GLI3: variants seen among roughly 807,000 people sequenced by gnomAD.
The protein encoded by GLI3 is transcription activator GLI3.
In GLI3, 20 loss-of-function variants were observed where a neutral mutation model predicts 100.8. The observed-to-expected ratio is 0.20, with a 90% CI of 0.14 to 0.29. The LOEUF is 0.29. Ranked by LOEUF, GLI3 falls within the 10% of genes least tolerant of loss-of-function variation. The probability of loss-of-function intolerance (pLI) is 1.00; values close to 1 mark genes in which losing one functional copy is unlikely to be tolerated. For missense variants in GLI3, 2,040 were observed against 2,128.5 expected (o/e 0.96, Z 0.82); for synonymous variants, 938 against 860.5 (o/e 1.09, Z -1.58).
rs1022538205 is a variant in GLI3, at chr7:41,963,233, G to A, written c.*1097C>T. Reference sequence around the variant, plus strand: ...AGTTTTATAAATCCCTCAAAATAAGGTATTTAGAATGGAAATCCTCCCTCA... The same window carrying A: ...AGTTTTATAAATCCCTCAAAATAAGATATTTAGAATGGAAATCCTCCCTCA... On this transcript the variant is annotated 3_prime_UTR_variant, in exon 15 of 15. Transcript: ENST00000395925. 6.6e-6 allele frequency: 1 copy of A among 152,076 alleles called. No individual in the cohort carries two copies. Among genetic ancestry groups the A allele is most frequent in the African/African-American group, 2.4e-5 (1 of 41,384 alleles). The allele number at this position is 152,076 out of a possible 1,614,324, so 9.4% of individuals were successfully genotyped here. A position where few individuals can be genotyped will look rare whatever the true frequency, so the allele number is the denominator to read the frequency against.
At chr7:42,256,904 T>C (rs997088020) in intron 1 of GLI3, among the ~76,000 whole-genome samples, 2 of 152,218 alleles carry the variant, frequency 1.3e-5, no homozygotes, top group African/African-American at 4.8e-5. Context: ...TTCCAGTCCA[T>C]GAATATGGAA....
chr7:42,173,986 AT>A (rs1562771663), intron 2 of GLI3, among the ~76,000 whole-genome samples: 2 of 152,202 alleles, frequency 1.3e-5, no homozygotes, highest in South Asian at 2.1e-4. Context: ...AAATATCCTA[AT>A]TTTGTATTTT....
In GLI3 at chr7:41,977,697, G is replaced by A. The variant is rs1356013382; in HGVS notation, c.1673C>T (p.Ser558Leu). 6.2e-7 allele frequency: 1 copy of A among 1,613,862 alleles called. No homozygotes were observed. Among genetic ancestry groups the A allele is most frequent in the Non-Finnish European group, 8.5e-7 (1 of 1,179,890 alleles). ...GTGTGTTTTCAAGTTTTCTAGTCTCGAGTAGGCCTTTGTGCAACCTTCAAA... is the reference window on the plus strand; with the variant it reads ...GTGTGTTTTCAAGTTTTCTAGTCTCAAGTAGGCCTTTGTGCAACCTTCAAA... ...CTFEGCTKAY[S>L]RLENLKTHLR... Residue 558 changes from serine (S) to leucine (L), a missense_variant, in exon 12 of 15, where the codon TCG becomes TTG. Physicochemically the swap from Ser to Leu is moderately radical, Grantham distance 145 (BLOSUM62 -2). Transcript: ENST00000395925.
At chr7:41,982,006 G>A (rs1299642626) in intron 10 of GLI3, among the ~76,000 whole-genome samples, 1 of 152,118 alleles carries the variant, frequency 6.6e-6, no homozygotes, top group East Asian at 1.9e-4. Flanking sequence ...AGGGGTGGGG[G>A]AAACTTATGT....
intron 3 of GLI3, among the ~76,000 whole-genome samples, chr7:42,088,220 G>A (rs1489456243): frequency 6.6e-6 from 1 of 152,178 alleles, no homozygotes. Context: ...ATCATCTGAA[G>A]GAGTCCGAAA....
intron 4 of GLI3, among the ~76,000 whole-genome samples, chr7:42,056,332 G>A (rs759456712): frequency 6.6e-6 from 1 of 152,150 alleles, no homozygotes; most frequent in Non-Finnish European, 1.5e-5. Flanking sequence ...TGAGGCAAAA[G>A]GCTACACTCA....
At chr7:42,202,352 A>ATT (rs1788060502) in intron 2 of GLI3, among the ~76,000 whole-genome samples, 3 of 107,462 alleles carry the variant, frequency 2.8e-5, no homozygotes, top group Admixed American at 9.4e-5. Flanking sequence ...TCTCTCACAC[A>ATT]CACACACACA....
At chr7:42,231,580 C>T (rs1275801835) in intron 1 of GLI3, among the ~76,000 whole-genome samples, 1 of 152,154 alleles carries the variant, frequency 6.6e-6, no homozygotes, top group Non-Finnish European at 1.5e-5. Flanking sequence ...AGACACTGTC[C>T]TGAAGTGGCA....
At chr7:42,161,257 T>C (rs1787124487) in intron 2 of GLI3, among the ~76,000 whole-genome samples, 3 of 151,980 alleles carry the variant, frequency 2.0e-5, no homozygotes, top group Admixed American at 6.6e-5. Flanking sequence ...CAGGCAAAAA[T>C]GATAGGAAAT....
At chr7:42,062,161 G>A (rs1293947231) in intron 4 of GLI3, among the ~76,000 whole-genome samples, 1 of 152,124 alleles carries the variant, frequency 6.6e-6, no homozygotes, top group African/African-American at 2.4e-5. Flanking sequence ...AAGCTTTGGA[G>A]TAGATGATCT....
At chr7:41,990,362 A>G (rs1787950380) in intron 10 of GLI3, among the ~76,000 whole-genome samples, 1 of 152,162 alleles carries the variant, frequency 6.6e-6, no homozygotes, top group African/African-American at 2.4e-5. Context: ...AAGGATCTGA[A>G]CATGCAGTGT....
chr7:42,228,012 G>C (rs1729974202), intron 1 of GLI3, among the ~76,000 whole-genome samples: 1 of 152,202 alleles, frequency 6.6e-6, no homozygotes, highest in Non-Finnish European at 1.5e-5. Context: ...ACGGTGGCAA[G>C]GGATGTTTTT....
chr7:42,046,247 C>A (rs1784242655), intron 5 of GLI3, among the ~76,000 whole-genome samples: 1 of 152,152 alleles, frequency 6.6e-6, no homozygotes, highest in Non-Finnish European at 1.5e-5. Flanking sequence ...AGGGTGGCCT[C>A]CAGACTCATA....
chr7:42,180,580 A>T (rs1269259339), intron 2 of GLI3, among the ~76,000 whole-genome samples: 1 of 152,204 alleles, frequency 6.6e-6, no homozygotes, highest in Non-Finnish European at 1.5e-5. Flanking sequence ...AAAAGGCTGG[A>T]GGGTAGGACC....
At chr7:42,072,568 G>A (rs1456132068) in intron 4 of GLI3, among the ~76,000 whole-genome samples, 1 of 152,042 alleles carries the variant, frequency 6.6e-6, no homozygotes, top group African/African-American at 2.4e-5. Context: ...TGTATTCTGG[G>A]GTAGTAGGCT....
At chr7:42,092,573 C>T (rs535865952) in intron 3 of GLI3, among the ~76,000 whole-genome samples, 1 of 152,112 alleles carries the variant, frequency 6.6e-6, no homozygotes, top group Non-Finnish European at 1.5e-5. Context: ...GACCCTGAGG[C>T]AGGGTCAGCT....
intron 10 of GLI3, among the ~76,000 whole-genome samples, chr7:41,979,871 T>A (rs184958049): frequency 2.2e-3 from 342 of 152,304 alleles, no homozygotes; most frequent in Non-Finnish European, 3.9e-3. Flanking sequence ...CTCTCATTAC[T>A]TTCCTGCTGA....
At chr7:42,157,604 A>G (rs1018017092) in intron 2 of GLI3, among the ~76,000 whole-genome samples, 3 of 152,250 alleles carry the variant, frequency 2.0e-5, no homozygotes, top group African/African-American at 7.2e-5. Context: ...TTTCTAAACA[A>G]AAAGAAAAAT....
chr7:41,965,916 C>T lies in GLI3; in HGVS notation c.3157G>A (p.Glu1053Lys), dbSNP rs1346124250. The stretch of plus-strand genomic sequence containing the variant: ...TGGAAGTTTCGGGACTGGCCGCCCT[C>T]GGGCCGCGTGTAATTCTGAAGCACG... ...SLVLQNYTRP[E>K]GGQSRNFHSS... The change falls in exon 15 of 15, where the codon GAG (glutamate) becomes AAG (lysine). Residue 1053 changes from glutamate to lysine, a missense_variant. Physicochemically the swap from Glu to Lys is moderately conservative, Grantham distance 56 (BLOSUM62 1). Coordinates refer to ENST00000395925, the MANE Select transcript of GLI3 (RefSeq NM_000168.6). 2.5e-6 allele frequency: 4 copies of T among 1,613,440 alleles called. No individual in the cohort carries two copies. Among genetic ancestry groups the T allele is most frequent in the African/African-American group, 1.3e-5 (1 of 75,012 alleles).
Sources: gnomAD v4.1 joint callset for allele counts (sites outside exome capture counted in the v4.1 genomes callset) on GRCh38, gnomAD v4.1.1 for gene constraint, MANE v1.5 for transcripts, NCBI Gene and HGNC (gene_info 2026-07-23, HGNC 2026-07-21) for gene names.